Variants in SLC35F4 observed in about 807,000 individuals in gnomAD.
SLC35F4 encodes the protein chromosome 14 open reading frame 36.
In SLC35F4, 24 loss-of-function variants were observed where a neutral mutation model predicts 44.2. The ratio of observed to expected loss-of-function variants is 0.54; its 90% CI spans 0.39 to 0.76. The LOEUF is 0.76. SLC35F4 is among the 30% of genes least tolerant of loss of function. The pLI, the probability that SLC35F4 is intolerant of heterozygous loss-of-function variation, is 0.00. For missense variants in SLC35F4, 562 were observed against 586.1 expected (o/e 0.96, Z 0.42); for synonymous variants, 238 against 223.6 (o/e 1.06, Z -0.57).
chr14:57,734,298 AG>A (rs772171579), intron 1 of SLC35F4, among the ~76,000 whole-genome samples: 19 of 152,188 alleles, frequency 1.2e-4, no homozygotes, highest in Non-Finnish European at 2.4e-4. Context: ...GGTTACTATT[AG>A]GATCCAATTA....
chr14:57,634,100 C>T (rs556830913), intron 1 of SLC35F4, among the ~76,000 whole-genome samples: 7 of 152,230 alleles, frequency 4.6e-5, no homozygotes, highest in Non-Finnish European at 7.4e-5. Context: ...GCAGCAACAA[C>T]CACAACCAGC....
intron 1 of SLC35F4, among the ~76,000 whole-genome samples, chr14:57,715,977 T>C (rs528034388): frequency 2.6e-4 from 40 of 152,224 alleles, no homozygotes; most frequent in Middle Eastern, 3.4e-3. Context: ...CAAGACGTAA[T>C]ATAAAAATGT....
chr14:57,880,803 T>A (rs1273659378), intron 1 of SLC35F4, among the ~76,000 whole-genome samples: 2 of 152,146 alleles, frequency 1.3e-5, no homozygotes. Flanking sequence ...GCAGGTCTTG[T>A]ATTTGTTGGT....
At position 57,914,227 on chromosome 14, in the gene SLC35F4, C is replaced by T. The variant is rs575237798; in HGVS notation, n.282+67686G>A. Among the ~76,000 whole-genome samples, 8 of 152,262 alleles carry T rather than the reference C, an allele frequency of 5.3e-5. No individual in the cohort carries two copies. In the East Asian group the frequency reaches 1.5e-3, roughly 29 times the overall value. On this transcript the variant is annotated intron_variant and non_coding_transcript_variant, in intron 1 of 1. Transcript: ENST00000556568. ...AAAGGTAAGAAGGTAGAAGCAGTCA[C>T]ACAGGACAGAGCAGAAAAGGGGGCC...
chr14:57,715,693 T>C, intron 1 of SLC35F4, among the ~76,000 whole-genome samples: 1 of 152,180 alleles, frequency 6.6e-6, no homozygotes, highest in East Asian at 1.9e-4. Context: ...GAAATGAGCA[T>C]CTGGCACTTA....
chr14:57,731,909 T>G (rs145956625), intron 1 of SLC35F4, among the ~76,000 whole-genome samples: 190 of 152,298 alleles, frequency 1.2e-3, no homozygotes, highest in South Asian at 7.5e-3. Context: ...TGATGAAGTT[T>G]TGATGTCATG....
intron 1 of SLC35F4, among the ~76,000 whole-genome samples, chr14:57,671,621 T>C (rs780717961): frequency 2.6e-5 from 4 of 151,736 alleles, no homozygotes; most frequent in Non-Finnish European, 5.9e-5. Flanking sequence ...GGGATTCTGA[T>C]ATTTGCTGAC....
chr14:57,814,933 GACAA>G (rs1366538211), intron 1 of SLC35F4, among the ~76,000 whole-genome samples: 1 of 152,122 alleles, frequency 6.6e-6, no homozygotes, highest in African/African-American at 2.4e-5. Flanking sequence ...ACATCTCAGT[GACAA>G]TTTAGAACAG....
chr14:57,711,320 G>A (rs10131460), intron 1 of SLC35F4, among the ~76,000 whole-genome samples: 10,857 of 152,114 alleles, frequency 0.071, 932 homozygotes, highest in African/African-American at 0.21. Context: ...AGGCAGAACT[G>A]TGAGTCAATT....
chr14:57,860,785 T>C (rs1287924402), intron 1 of SLC35F4, among the ~76,000 whole-genome samples: 1 of 152,200 alleles, frequency 6.6e-6, no homozygotes, highest in Non-Finnish European at 1.5e-5. Context: ...TAACTTCCAC[T>C]AGTCTTTGAT....
intron 1 of SLC35F4, among the ~76,000 whole-genome samples, chr14:57,916,487 C>T (rs1211765833): frequency 6.6e-6 from 1 of 152,134 alleles, no homozygotes; most frequent in Non-Finnish European, 1.5e-5. Flanking sequence ...GCCTGGTGTT[C>T]TCTGAGCTTC....
At chr14:57,894,384 G>C (rs1888831343) in intron 1 of SLC35F4, among the ~76,000 whole-genome samples, 1 of 152,020 alleles carries the variant, frequency 6.6e-6, no homozygotes, top group South Asian at 2.1e-4. Context: ...GAAAACTCAA[G>C]TGCCCAGCAA....
chr14:57,719,594 A>AT (rs34957505), intron 1 of SLC35F4, among the ~76,000 whole-genome samples: 79 of 148,362 alleles, frequency 5.3e-4, no homozygotes, highest in African/African-American at 1.8e-3. Context: ...TTTTCCTGGG[A>AT]TTTTTTTTTT....
chr14:57,855,812 G>C (rs957628201), intron 1 of SLC35F4, among the ~76,000 whole-genome samples: 1 of 152,108 alleles, frequency 6.6e-6, no homozygotes. Context: ...ATGATAGACT[G>C]GTTTAAGAAA....
chr14:57,590,836 G>T (rs1191533148), intron 2 of SLC35F4, among the ~76,000 whole-genome samples: 1 of 152,222 alleles, frequency 6.6e-6, no homozygotes, highest in Non-Finnish European at 1.5e-5. Context: ...TGCTCACTTT[G>T]TGTCTCCAGA....
intron 1 of SLC35F4, among the ~76,000 whole-genome samples, chr14:57,939,827 C>A (rs888629318): frequency 1.1e-4 from 16 of 152,162 alleles, no homozygotes; most frequent in African/African-American, 3.6e-4. Context: ...GTTACATTTG[C>A]AACCACAATA....
At chr14:57,953,701 G>A (rs1890184027) in intron 1 of SLC35F4, among the ~76,000 whole-genome samples, 1 of 152,166 alleles carries the variant, frequency 6.6e-6, no homozygotes, top group Non-Finnish European at 1.5e-5. Context: ...TAATTGTAAA[G>A]GTATCAATGC....
chr14:57,610,518 GT>G (rs1314395273), intron 1 of SLC35F4, among the ~76,000 whole-genome samples: 3 of 152,156 alleles, frequency 2.0e-5, no homozygotes, highest in Admixed American at 6.5e-5. Flanking sequence ...ACAAACTTCG[GT>G]TTTTCAACTT....
At chr14:57,661,330 T>C (rs2074130501) in intron 1 of SLC35F4, among the ~76,000 whole-genome samples, 1 of 152,156 alleles carries the variant, frequency 6.6e-6, no homozygotes, top group Admixed American at 6.6e-5. Flanking sequence ...AGGGTCTCAT[T>C]ACTGTTTGTG....
Sources: allele counts gnomAD v4.1 joint callset (sites outside exome capture counted in the v4.1 genomes callset), GRCh38; gene constraint gnomAD v4.1.1; transcripts MANE v1.5; gene names NCBI Gene and HGNC (gene_info 2026-07-23, HGNC 2026-07-21).